The following BTF3 variants were observed in gnomAD, a reference collection of about 807,000 sequenced individuals.
BTF3 encodes transcription factor BTF3.
BTF3 carries 12 observed loss-of-function variants against 23.9 expected under a neutral mutation model. The ratio of observed to expected loss-of-function variants is 0.50; its 90% confidence interval spans 0.32 to 0.81. BTF3 has a LOEUF of 0.81. Ranked by LOEUF, BTF3 falls within the 40% of genes least tolerant of loss-of-function variation. The probability of loss-of-function intolerance (pLI) is 0.03; values close to 1 mark genes in which losing one functional copy is unlikely to be tolerated. For synonymous variants in BTF3, 96 were observed against 94.8 expected, an observed-to-expected ratio of 1.01 and a Z score of -0.07; for missense variants, 215 against 255.9, an observed-to-expected ratio of 0.84 and a Z score of 1.09.
chr5:73,500,649 T>C (rs982633582), intron 2 of BTF3, among the ~76,000 whole-genome samples: 3 of 152,214 alleles, frequency 2.0e-5, no homozygotes, highest in Non-Finnish European at 4.4e-5. Context: ...TTAATTTTGC[T>C]TTAGAGAAAA....
chr5:73,501,975 C>T (rs1746446571), intron 2 of BTF3, among the ~76,000 whole-genome samples: 1 of 152,000 alleles, frequency 6.6e-6, no homozygotes, highest in Non-Finnish European at 1.5e-5. Flanking sequence ...TGAGACCAGC[C>T]TGGCCAACAT....
intron 2 of BTF3, chr5:73,499,412 T>C (rs1400948234): frequency 7.5e-6 from 5 of 668,368 alleles, no homozygotes; most frequent in Non-Finnish European, 1.4e-5. Flanking sequence ...TGTGTAAACA[T>C]GTTTGTGTTT....
chr5:73,504,459 AT>A, intron 5 of BTF3, 56 bp downstream of exon 5: 1 of 1,484,230 alleles, frequency 6.7e-7, no homozygotes, highest in South Asian at 1.2e-5. Flanking sequence ...AGAATAAGAA[AT>A]CTTTGTAGGA....
Position 73,502,528 on chromosome 5 carries a change from C to T in BTF3, c.242C>T (p.Ala81Val). Residue 81 changes from alanine to valine, a missense_variant, in exon 3 of 6, where the codon GCC becomes GTC. By Grantham distance (64) the Ala-to-Val change is moderately conservative (BLOSUM62 0). This residue lies in a region of BTF3 where 99 missense variants were observed against 171.2 expected (regional missense o/e 0.58). Coordinates refer to ENST00000380591, the MANE Select transcript of BTF3 (RefSeq NM_001037637.2). ...AAGAAGAAGGTGGTTCATAGAACAG[C>T]CACAGCAGATGACAAAAAACTTCAG... ...RRKKKVVHRTATADDKKLQFS... is the reference protein window; with the variant it reads ...RRKKKVVHRTVTADDKKLQFS... The T allele has an allele frequency of 6.2e-7, 1 of 1,610,058 alleles. No individual in the cohort carries two copies. Among genetic ancestry groups the T allele is most frequent in the South Asian group, 1.1e-5 (1 of 89,968 alleles).
At position 73,505,349 on chromosome 5, in the gene BTF3, C is replaced by A; in HGVS notation, c.*111C>A. The A allele has an allele frequency of 1.0e-6, 1 of 964,148 alleles. No individual in the cohort carries two copies. Among genetic ancestry groups the A allele is most frequent in the Non-Finnish European group, 1.5e-6 (1 of 650,128 alleles). The allele number at this position is 964,148 out of a possible 1,614,324, so 59.7% of individuals were successfully genotyped here. A position where few individuals can be genotyped will look rare whatever the true frequency, so the allele number is the denominator to read the frequency against. ...TTTATGGATCTGATAAAATCTAGAT[C>A]TCTAATATTTTTAAGCCCAAGCCCC... is the stretch of plus-strand genomic sequence containing the variant. On this transcript the variant is annotated 3_prime_UTR_variant, in exon 6 of 6. Coordinates refer to ENST00000380591, the MANE Select transcript of BTF3 (RefSeq NM_001037637.2).
intron 2 of BTF3, chr5:73,499,799 T>G (rs1226559650): frequency 1.2e-5 from 2 of 165,862 alleles, no homozygotes; most frequent in African/African-American, 4.8e-5. Flanking sequence ...TTTTGATTAA[T>G]TGTTTTTTTC....
chr5:73,502,677 GTT>G (rs35246204), intron 3 of BTF3, 76 bp downstream of exon 3: 417,321 of 796,840 alleles, frequency 0.52, 66,450 homozygotes, highest in Admixed American at 0.59. Context: ...TAAATGGGTT[GTT>G]TTTTTTTTTT....
rs59856963 is a variant in BTF3, at chr5:73,505,038, C to CTTT, written c.575-142_575-140dup. Among the ~76,000 whole-genome samples the CTTT allele has an allele frequency of 2.5e-3, 357 of 142,122 alleles. 1 individual carries two copies. Among genetic ancestry groups the CTTT allele is most frequent in the African/African-American group, 8.4e-3 (325 of 38,592 alleles). 93.2% of individuals were successfully genotyped at this position (142,122 alleles called of 152,430 possible). A position where few individuals can be genotyped will look rare whatever the true frequency, so the allele number is the denominator to read the frequency against. ...TGGGAAGAGGGGGGCATTTTTTTCA[C>CTTT]TTTTTTTTTTTTTTGCATTCTTGTT... On this transcript the variant is annotated intron_variant, in intron 5 of 5. Transcript: ENST00000380591.
rs768749052 is a variant in BTF3, at chr5:73,504,329, T to A, written c.518-18T>A. On this transcript the variant is annotated intron_variant, in intron 4 of 5. Coordinates refer to ENST00000380591, the MANE Select transcript of BTF3 (RefSeq NM_001037637.2). Reference sequence around the variant, plus strand: ...ATTAAAAACCTAGACAAATAATGTTTACATTTTCCTTTCATAGCTGTGGAT... The same window carrying A: ...ATTAAAAACCTAGACAAATAATGTTAACATTTTCCTTTCATAGCTGTGGAT... 6.8e-7 allele frequency: 1 copy of A among 1,468,532 alleles called. No homozygotes were observed. The highest frequency in any genetic ancestry group is 9.2e-7 in the Non-Finnish European group (1 of 1,089,602). The allele number at this position is 1,468,532 out of a possible 1,614,324, so 91.0% of individuals were successfully genotyped here.
chr5:73,504,617 G>T, intron 5 of BTF3: 3 of 399,022 alleles, frequency 7.5e-6, no homozygotes, highest in Admixed American at 4.3e-5. Context: ...AGGATGTGTA[G>T]GTATCTAACC....
chr5:73,504,267 CTTTTTTTTT>C (rs34051700), intron 4 of BTF3, 71 bp from the exon 5 acceptor site: 252 of 125,370 alleles, frequency 2.0e-3, no homozygotes, highest in African/African-American at 0.01. Flanking sequence ...TTCATCTGTT[CTTTTTTTTT>C]TTTTTTTTTT....
At chr5:73,501,442 T>G (rs78898144) in intron 2 of BTF3, among the ~76,000 whole-genome samples, 2,187 of 152,294 alleles carry the variant, frequency 0.014, 52 homozygotes, top group African/African-American at 0.05. Flanking sequence ...ATAAGTGTTA[T>G]GAAGAGAAAT....
chr5:73,499,461 C>T (rs1349258600), intron 2 of BTF3: 2 of 538,162 alleles, frequency 3.7e-6, no homozygotes, highest in Non-Finnish European at 6.7e-6. Flanking sequence ...AAAAGTGTTT[C>T]CTAATTTAAT....
chr5:73,498,826 C>T (rs1280728842), intron 1 of BTF3, 27 bp downstream of exon 1: 12 of 1,488,922 alleles, frequency 8.1e-6, no homozygotes, highest in East Asian at 2.7e-5. Flanking sequence ...GGAGAGTGGC[C>T]GGGCCGGGCA....
chr5:73,503,617 T>A (rs779034088), intron 4 of BTF3, among the ~76,000 whole-genome samples: 3 of 152,230 alleles, frequency 2.0e-5, no homozygotes, highest in Non-Finnish European at 4.4e-5. Flanking sequence ...TGTTATGCTG[T>A]TTTCTGTGCT....
intron 4 of BTF3, 41 bp downstream of exon 4, chr5:73,503,158 T>A: frequency 3.8e-6 from 6 of 1,593,802 alleles, no homozygotes; most frequent in Non-Finnish European, 4.3e-6. Flanking sequence ...AATTACTCAT[T>A]TAGCAGCTGA....
At position 73,498,541 on chromosome 5, in the gene BTF3, C is replaced by T; in HGVS notation, c.-127C>T. ...CCAACCCTAGTCCCCCGCGCGGCCC[C>T]TTATTCGCTCCGACAAGGTACAAAA... is the stretch of plus-strand genomic sequence containing the variant. On this transcript the variant is annotated 5_prime_UTR_variant, in exon 1 of 6. Transcript: ENST00000380591. 1 of 1,360,460 alleles carries T rather than the reference C, an allele frequency of 7.4e-7. No homozygotes were observed. Among genetic ancestry groups the T allele is most frequent in the Middle Eastern group, 2.4e-4 (1 of 4,182 alleles). The allele number at this position is 1,360,460 out of a possible 1,614,324, so 84.3% of individuals were successfully genotyped here. A position where few individuals can be genotyped will look rare whatever the true frequency, so the allele number is the denominator to read the frequency against.
At chr5:73,498,895 G>C (rs188464958) in intron 1 of BTF3, 96 bp downstream of exon 1, 25 of 1,463,432 alleles carry the variant, frequency 1.7e-5, no homozygotes, top group African/African-American at 4.4e-5. Flanking sequence ...GGCCAGGCGT[G>C]GGGTAGAGCC....
rs557542859 is a variant in BTF3, at chr5:73,505,146, G to A, written c.575-46G>A. On this transcript the variant is annotated intron_variant, in intron 5 of 5. Transcript: ENST00000380591. The stretch of plus-strand genomic sequence containing the variant: ...CCCTTTTAATATCTGATAATTATTT[G>A]TAGATTTGGCTTTTTTAAGAATTTC... 5.0e-4 allele frequency: 723 copies of A among 1,459,798 alleles called. 11 individuals carry two copies. The South Asian group carries it at 7.7e-3, about 16-fold the overall frequency. 90.4% of individuals were successfully genotyped at this position (1,459,798 alleles called of 1,614,324 possible). A position where few individuals can be genotyped will look rare whatever the true frequency, so the allele number is the denominator to read the frequency against.
Sources: gnomAD v4.1 joint callset for allele counts (sites outside exome capture counted in the v4.1 genomes callset) on GRCh38, gnomAD v4.1.1 for gene constraint, gnomAD v4.1.1 regional missense constraint, MANE v1.5 for transcripts, NCBI Gene and HGNC (gene_info 2026-07-23, HGNC 2026-07-21) for gene names.